WWTR1: variants seen among roughly 807,000 people sequenced by gnomAD.
WWTR1 encodes WW domain-containing transcription regulator protein 1.
In WWTR1, 13 loss-of-function variants were observed where a neutral mutation model predicts 40.1. The observed-to-expected ratio is 0.32, with a 90% CI of 0.21 to 0.52. The LOEUF is 0.52. WWTR1 is among the 20% of genes least tolerant of loss of function. The probability of loss-of-function intolerance (pLI) is 0.97; values close to 1 mark genes in which losing one functional copy is unlikely to be tolerated. For synonymous variants in WWTR1, 230 were observed against 210.1 expected (o/e 1.09, Z -0.82); for missense variants, 436 against 523.1 (o/e 0.83, Z 1.63).
intron 2 of WWTR1, among the ~76,000 whole-genome samples, chr3:149,619,077 G>C (rs984008589): frequency 6.6e-6 from 1 of 152,186 alleles, no homozygotes; most frequent in Non-Finnish European, 1.5e-5. Flanking sequence ...GAGAGGAATA[G>C]CCTTGCATGT....
chr3:149,551,126 C>T lies in WWTR1; in HGVS notation c.569-8589G>A, dbSNP rs1228139257. Among the ~76,000 whole-genome samples the T allele has an allele frequency of 1.4e-5, 2 of 143,740 alleles. 1 individual carries two copies. Among genetic ancestry groups the T allele is most frequent in the Non-Finnish European group, 3.0e-5 (2 of 65,862 alleles). The allele number at this position is 143,740 out of a possible 152,430, so 94.3% of individuals were successfully genotyped here. ...CAGCCTGACCAACATGGAGAAACCCCATCTCTATTAAAAATACAAAATTAG... is the reference window on the plus strand; with the variant it reads ...CAGCCTGACCAACATGGAGAAACCCTATCTCTATTAAAAATACAAAATTAG... On this transcript the variant is annotated intron_variant, in intron 3 of 6. Transcript: ENST00000360632.
chr3:149,581,264 A>G (rs1161456690), intron 2 of WWTR1, among the ~76,000 whole-genome samples: 1 of 152,196 alleles, frequency 6.6e-6, no homozygotes, highest in Non-Finnish European at 1.5e-5. Flanking sequence ...TAGAAGATAC[A>G]AAGAGGTAAA....
intron 3 of WWTR1, among the ~76,000 whole-genome samples, chr3:149,724,489 C>T (rs911408534): frequency 1.7e-5 from 2 of 119,842 alleles, no homozygotes; most frequent in Non-Finnish European, 3.6e-5. Flanking sequence ...ACCCTACCCC[C>T]CAGACTCCTT....
chr3:149,614,869 G>A (rs1459366523), intron 2 of WWTR1, among the ~76,000 whole-genome samples: 2 of 152,112 alleles, frequency 1.3e-5, no homozygotes, highest in Non-Finnish European at 2.9e-5. Context: ...TGTAGTCCCA[G>A]CTACTCGGGA....
intron 5 of WWTR1, among the ~76,000 whole-genome samples, chr3:149,710,932 T>G (rs1290941113): frequency 6.6e-6 from 1 of 151,992 alleles, no homozygotes; most frequent in African/African-American, 2.4e-5. Context: ...GTTAAGTAAC[T>G]TGTCCAAGTT....
intron 3 of WWTR1, among the ~76,000 whole-genome samples, chr3:149,571,894 G>A (rs1737648995): frequency 1.3e-5 from 2 of 151,450 alleles, no homozygotes; most frequent in African/African-American, 4.9e-5. Context: ...GAGAAGGAAG[G>A]GAATGATTAC....
intron 2 of WWTR1, among the ~76,000 whole-genome samples, chr3:149,642,737 T>C (rs2108130129): frequency 1.3e-5 from 2 of 148,194 alleles, no homozygotes; most frequent in East Asian, 4.0e-4. Context: ...ATCGGGCCAC[T>C]GCACTCCAGC....
At chr3:149,583,812 G>A (rs1272187645) in intron 2 of WWTR1, among the ~76,000 whole-genome samples, 1 of 152,126 alleles carries the variant, frequency 6.6e-6, no homozygotes, top group Non-Finnish European at 1.5e-5. Context: ...AAATGAGCAG[G>A]GAGAAGGTGG....
chr3:149,561,862 TG>T (rs1737094035), intron 3 of WWTR1, among the ~76,000 whole-genome samples: 1 of 152,156 alleles, frequency 6.6e-6, no homozygotes, highest in Non-Finnish European at 1.5e-5. Flanking sequence ...AGTGTTTCCC[TG>T]GAAAGGAGAA....
In WWTR1 at chr3:149,517,923, G is replaced by A. The variant is rs1391839427; in HGVS notation, c.*2882C>T. ...TTGGGGTGAAATGATGATGTTTACTGATTGATTTAGTACTAAAAAGACTAG... is the reference window on the plus strand; with the variant it reads ...TTGGGGTGAAATGATGATGTTTACTAATTGATTTAGTACTAAAAAGACTAG... On this transcript the variant is annotated 3_prime_UTR_variant, in exon 7 of 7. Transcript: ENST00000360632. 1 of 152,088 alleles carries A rather than the reference G, an allele frequency of 6.6e-6. No homozygotes were observed. Among genetic ancestry groups the A allele is most frequent in the African/African-American group, 2.4e-5 (1 of 41,422 alleles). The allele number at this position is 152,088 out of a possible 1,614,324, so 9.4% of individuals were successfully genotyped here. A position where few individuals can be genotyped will look rare whatever the true frequency, so the allele number is the denominator to read the frequency against.
chr3:149,589,314 G>A (rs948512604), intron 2 of WWTR1, among the ~76,000 whole-genome samples: 2 of 152,204 alleles, frequency 1.3e-5, no homozygotes, highest in South Asian at 2.1e-4. Context: ...CATGCCTCAC[G>A]TAACTGTGTT....
At chr3:149,638,746 C>T (rs1381415566) in intron 2 of WWTR1, among the ~76,000 whole-genome samples, 1 of 152,148 alleles carries the variant, frequency 6.6e-6, no homozygotes, top group African/African-American at 2.4e-5. Flanking sequence ...TCACGCTAGA[C>T]CCCAGAGTAT....
At chr3:149,547,564 C>G (rs1222023163) in intron 3 of WWTR1, among the ~76,000 whole-genome samples, 1 of 151,828 alleles carries the variant, frequency 6.6e-6, no homozygotes, top group Non-Finnish European at 1.5e-5. Flanking sequence ...ATTCCAAATG[C>G]AGTATCTGAG....
upstream of WWTR1, among the ~76,000 whole-genome samples, chr3:149,662,709 G>A (rs1713638100): frequency 6.6e-6 from 1 of 151,950 alleles, no homozygotes; most frequent in African/African-American, 2.4e-5. Flanking sequence ...TTTAACAACT[G>A]TTCACAAGTA....
Position 149,629,484 on chromosome 3 carries a change from C to T in WWTR1, c.431+27392G>A, listed in dbSNP as rs1576608762. On this transcript the variant is annotated intron_variant, in intron 2 of 6. Transcript: ENST00000360632. ...GAGTGTGGCCTGTAAAAGACTTTCC[C>T]GCTAGACCCTGTGGTTTCTCCAACC... Among the ~76,000 whole-genome samples, 3 of 152,180 alleles carry T rather than the reference C, an allele frequency of 2.0e-5. 1 individual carries two copies. Among genetic ancestry groups the T allele is most frequent in the Admixed American group, 1.3e-4 (2 of 15,286 alleles).
chr3:149,662,372 C>A (rs1713623643), upstream of WWTR1, among the ~76,000 whole-genome samples: 1 of 152,120 alleles, frequency 6.6e-6, no homozygotes, highest in African/African-American at 2.4e-5. Flanking sequence ...AGAGCACACT[C>A]CTGCTGATAG....
intron 3 of WWTR1, among the ~76,000 whole-genome samples, 171 bp from the exon 4 acceptor site, chr3:149,542,708 G>A (rs1355825938): frequency 1.3e-5 from 2 of 152,128 alleles, no homozygotes; most frequent in East Asian, 3.9e-4. Context: ...TCAATTCACG[G>A]AGGCTCGAAT....
At chr3:149,553,295 C>A (rs1438470743) in intron 3 of WWTR1, among the ~76,000 whole-genome samples, 1 of 152,172 alleles carries the variant, frequency 6.6e-6, no homozygotes, top group East Asian at 1.9e-4. Flanking sequence ...ACTGCCCAAT[C>A]CTTTTTCGTA....
At chr3:149,546,086 C>G (rs1576550037) in intron 3 of WWTR1, among the ~76,000 whole-genome samples, 1 of 152,176 alleles carries the variant, frequency 6.6e-6, no homozygotes, top group African/African-American at 2.4e-5. Context: ...GAGCTCTTCC[C>G]AAGCCACATC....
Sources: gnomAD v4.1 joint callset for allele counts (sites outside exome capture counted in the v4.1 genomes callset) on GRCh38, gnomAD v4.1.1 for gene constraint, MANE v1.5 for transcripts, NCBI Gene and HGNC (gene_info 2026-07-23, HGNC 2026-07-21) for gene names.